Variants in DENND1A observed in about 807,000 individuals in gnomAD.
DENND1A encodes DENN domain containing 1A, also known as DENN domain-containing protein 1A.
Under a neutral mutation model 113.7 loss-of-function variants are expected in DENND1A, and 51 were observed. That is an observed-to-expected ratio of 0.45 (90% CI 0.36 to 0.57). The LOEUF is 0.57. DENND1A is among the 20% of genes least tolerant of loss of function. The pLI is 0.00. For synonymous variants in DENND1A, 565 were observed against 570.8 expected, an observed-to-expected ratio of 0.99 and a Z score of 0.14; for missense variants, 1,258 against 1,395.9, an observed-to-expected ratio of 0.90 and a Z score of 1.57.
intron 5 of DENND1A, among the ~76,000 whole-genome samples, chr9:123,728,071 A>G (rs1245796921): frequency 6.6e-6 from 1 of 151,448 alleles, no homozygotes; most frequent in Non-Finnish European, 1.5e-5. Context: ...GCACCACTGC[A>G]CTCCAGCCTG....
intron 5 of DENND1A, among the ~76,000 whole-genome samples, chr9:123,685,690 C>A (rs975984665): frequency 6.6e-6 from 1 of 152,140 alleles, no homozygotes; most frequent in African/African-American, 2.4e-5. Flanking sequence ...TCTGTTATCA[C>A]CGGTGAAGTG....
intron 2 of DENND1A, among the ~76,000 whole-genome samples, chr9:123,835,283 G>A (rs1440736718): frequency 2.0e-5 from 3 of 152,116 alleles, no homozygotes; most frequent in Non-Finnish European, 2.9e-5. Context: ...TAGAAATAAC[G>A]AAGAGGAAGT....
At chr9:123,581,634 AAAAG>A (rs956844727) in intron 12 of DENND1A, among the ~76,000 whole-genome samples, 3 of 152,140 alleles carry the variant, frequency 2.0e-5, no homozygotes, top group East Asian at 1.9e-4. Context: ...CAAAAAAAAA[AAAAG>A]AAAGAAATTC....
At chr9:123,577,963 C>A (rs1372228332) in intron 12 of DENND1A, among the ~76,000 whole-genome samples, 1 of 152,202 alleles carries the variant, frequency 6.6e-6, no homozygotes. Flanking sequence ...AGATCTCTGA[C>A]TCTGGTTGGT....
chr9:123,712,152 C>T (rs1178941771), intron 5 of DENND1A, among the ~76,000 whole-genome samples: 2 of 152,214 alleles, frequency 1.3e-5, no homozygotes, highest in African/African-American at 4.8e-5. Flanking sequence ...AAGTCTTCAA[C>T]ACTGTCCAGC....
At chr9:123,886,950 T>C (rs1470997673) in intron 1 of DENND1A, among the ~76,000 whole-genome samples, 2 of 152,168 alleles carry the variant, frequency 1.3e-5, no homozygotes, top group Non-Finnish European at 2.9e-5. Flanking sequence ...ACCTTCCATA[T>C]ATCCCTACGG....
chr9:123,835,137 T>G (rs1041155563), intron 2 of DENND1A, among the ~76,000 whole-genome samples: 1 of 149,472 alleles, frequency 6.7e-6, no homozygotes, highest in South Asian at 2.1e-4. Flanking sequence ...AGCAAATGTC[T>G]CTTCTATTAT....
chr9:123,662,635 A>C (rs1274479728), intron 8 of DENND1A, among the ~76,000 whole-genome samples: 1 of 152,218 alleles, frequency 6.6e-6, no homozygotes, highest in African/African-American at 2.4e-5. Flanking sequence ...CTTTCTCAAG[A>C]AAACTACTGG....
intron 5 of DENND1A, among the ~76,000 whole-genome samples, chr9:123,723,310 G>A (rs2067471409): frequency 6.6e-6 from 1 of 152,266 alleles, no homozygotes; most frequent in African/African-American, 2.4e-5. Flanking sequence ...TTCATAGGCA[G>A]AAGGGACTTG....
intron 2 of DENND1A, among the ~76,000 whole-genome samples, chr9:123,858,646 T>G (rs566197639): frequency 2.6e-5 from 4 of 152,018 alleles, no homozygotes; most frequent in African/African-American, 9.6e-5. Context: ...CCATGTAGGA[T>G]GGAGAAACAG....
chr9:123,799,066 G>T (rs1481589289), intron 2 of DENND1A, among the ~76,000 whole-genome samples: 1 of 152,010 alleles, frequency 6.6e-6, no homozygotes, highest in Non-Finnish European at 1.5e-5. Flanking sequence ...CGACAGCTGT[G>T]CCCTTTATGT....
intron 9 of DENND1A, among the ~76,000 whole-genome samples, chr9:123,631,710 T>G (rs544311159): frequency 6.6e-6 from 1 of 152,346 alleles, no homozygotes; most frequent in East Asian, 1.9e-4. Flanking sequence ...GTTTACTGAC[T>G]AATCCTTCCT....
At chr9:123,869,457 G>C (rs551999039) in intron 2 of DENND1A, among the ~76,000 whole-genome samples, 3 of 152,148 alleles carry the variant, frequency 2.0e-5, no homozygotes, top group African/African-American at 4.8e-5. Flanking sequence ...TTGAGAAAAA[G>C]AGACAAAGCA....
At chr9:123,665,770 T>C (rs2063465831) in intron 8 of DENND1A, among the ~76,000 whole-genome samples, 1 of 152,178 alleles carries the variant, frequency 6.6e-6, no homozygotes, top group African/African-American at 2.4e-5. Flanking sequence ...ATATTGATAA[T>C]AGCCAAAGGG....
At chr9:123,887,743 G>A (rs1849304423) in intron 1 of DENND1A, among the ~76,000 whole-genome samples, 1 of 152,026 alleles carries the variant, frequency 6.6e-6, no homozygotes, top group Admixed American at 6.6e-5. Flanking sequence ...AAGAAAGCAA[G>A]GTGAAGAAGG....
chr9:123,855,686 C>A (rs1318313660), intron 2 of DENND1A, among the ~76,000 whole-genome samples: 2 of 152,132 alleles, frequency 1.3e-5, no homozygotes, highest in East Asian at 1.9e-4. Context: ...TTAAAACACA[C>A]ATTATGACAG....
At chr9:123,914,701 G>T (rs1854760303) in intron 1 of DENND1A, among the ~76,000 whole-genome samples, 1 of 151,938 alleles carries the variant, frequency 6.6e-6, no homozygotes. Context: ...CAGGGAGCCA[G>T]CGTGTCACAT....
intron 1 of DENND1A, among the ~76,000 whole-genome samples, chr9:123,879,233 G>A (rs1053693523): frequency 5.9e-5 from 9 of 151,406 alleles, no homozygotes; most frequent in Non-Finnish European, 1.3e-4. Flanking sequence ...TGTAAAACTT[G>A]AAATATATAT....
chr9:123,572,293 T>C (rs1475985117), intron 12 of DENND1A, among the ~76,000 whole-genome samples: 1 of 152,200 alleles, frequency 6.6e-6, no homozygotes, highest in Non-Finnish European at 1.5e-5. Context: ...TCTTCTTGAT[T>C]GTGGAGTAGC....
Sources: gnomAD v4.1 joint callset for allele counts (sites outside exome capture counted in the v4.1 genomes callset) on GRCh38, gnomAD v4.1.1 for gene constraint, MANE v1.5 for transcripts, NCBI Gene and HGNC (gene_info 2026-07-23, HGNC 2026-07-21) for gene names.